Variants in ERC2 observed in about 807,000 individuals in gnomAD.
The protein encoded by ERC2 is ERC protein 2.
Under a neutral mutation model 114.8 loss-of-function variants are expected in ERC2, and 42 were observed. The ratio of observed to expected loss-of-function variants is 0.37; its 90% CI spans 0.29 to 0.47. The LOEUF is 0.47. Ranked by LOEUF, ERC2 falls within the 20% of genes least tolerant of loss-of-function variation. ERC2 has a pLI of 0.99. For synonymous variants in ERC2, 454 were observed against 425.5 expected (o/e 1.07, Z -0.82); for missense variants, 939 against 1,150.7 (o/e 0.82, Z 2.66).
At chr3:55,997,880 GTTT>G (rs869077498) in intron 10 of ERC2, among the ~76,000 whole-genome samples, 3,701 of 43,296 alleles carry the variant, frequency 0.085, 38 homozygotes, top group Non-Finnish European at 0.1. Flanking sequence ...TCTTAATTCT[GTTT>G]TTTTTTTTTT....
Position 56,313,516 on chromosome 3 carries a change from C to G in ERC2, c.658-17081G>C, listed in dbSNP as rs1365387062. ...TCTTTGGGTTGCAAGCAACAGAAAA[C>G]AACTTGGCCTGTCTTGAGCCACAGA... On this transcript the variant is annotated intron_variant, in intron 2 of 17. Transcript: ENST00000288221. Among the ~76,000 whole-genome samples, 5 of 152,122 alleles carry G rather than the reference C, an allele frequency of 3.3e-5. No homozygotes were observed. In the East Asian group the frequency reaches 9.6e-4, roughly 29 times the overall value.
intron 14 of ERC2, among the ~76,000 whole-genome samples, chr3:55,776,899 T>C (rs2068662963): frequency 6.6e-6 from 1 of 152,290 alleles, no homozygotes. Context: ...TTGTAGTTTT[T>C]CCGTGAATGT....
intron 3 of ERC2, among the ~76,000 whole-genome samples, chr3:56,195,021 G>A (rs1444136527): frequency 1.3e-5 from 2 of 152,122 alleles, no homozygotes; most frequent in Non-Finnish European, 2.9e-5. Context: ...TATTACCTAT[G>A]ATGAAGCTGA....
intron 3 of ERC2, among the ~76,000 whole-genome samples, chr3:56,233,359 G>T (rs975483892): frequency 6.6e-6 from 1 of 152,164 alleles, no homozygotes; most frequent in Non-Finnish European, 1.5e-5. Flanking sequence ...AGTGGCTCAC[G>T]CCTATAATCC....
intron 3 of ERC2, among the ~76,000 whole-genome samples, chr3:56,181,318 A>G (rs1330228491): frequency 6.6e-6 from 1 of 152,226 alleles, no homozygotes; most frequent in East Asian, 1.9e-4. Context: ...TTATCAAACT[A>G]CAGCCCACAG....
intron 7 of ERC2, among the ~76,000 whole-genome samples, chr3:56,070,769 C>G (rs1215162130): frequency 2.0e-5 from 3 of 152,150 alleles, no homozygotes; most frequent in Non-Finnish European, 4.4e-5. Flanking sequence ...AATAGAAAAG[C>G]TCCGAAATGT....
At chr3:55,791,337 C>G (rs1398507687) in intron 14 of ERC2, among the ~76,000 whole-genome samples, 7 of 151,934 alleles carry the variant, frequency 4.6e-5, no homozygotes, top group Non-Finnish European at 8.8e-5. Flanking sequence ...TAATTGCTAA[C>G]TATAAACAGA....
At chr3:55,621,696 AG>A (rs2059336256) in intron 17 of ERC2, among the ~76,000 whole-genome samples, 1 of 152,156 alleles carries the variant, frequency 6.6e-6, no homozygotes, top group Non-Finnish European at 1.5e-5. Context: ...TTTGGAAGGG[AG>A]GTGGTCAGGG....
At chr3:55,897,010 C>A (rs1210782294) in intron 13 of ERC2, among the ~76,000 whole-genome samples, 3 of 152,196 alleles carry the variant, frequency 2.0e-5, no homozygotes, top group Non-Finnish European at 4.4e-5. Flanking sequence ...GAAGTCATCA[C>A]CTGGCTTTCT....
chr3:55,875,306 C>A (rs2062776337), intron 14 of ERC2, among the ~76,000 whole-genome samples: 1 of 152,146 alleles, frequency 6.6e-6, no homozygotes, highest in African/African-American at 2.4e-5. Flanking sequence ...GGAATGACAG[C>A]AATTGAACTG....
chr3:55,623,916 G>C (rs1052180166), intron 17 of ERC2, among the ~76,000 whole-genome samples: 8 of 152,210 alleles, frequency 5.3e-5, no homozygotes, highest in Non-Finnish European at 7.3e-5. Flanking sequence ...CTATTTCTTT[G>C]CAGCACTGGG....
chr3:55,725,462 G>T (rs775269814), intron 15 of ERC2, among the ~76,000 whole-genome samples: 30 of 152,226 alleles, frequency 2.0e-4, no homozygotes, highest in Middle Eastern at 3.4e-3. Flanking sequence ...AGCATTCTCT[G>T]ATTCCTCCAG....
intron 6 of ERC2, among the ~76,000 whole-genome samples, chr3:56,089,025 G>T (rs1300655745): frequency 1.3e-5 from 2 of 152,112 alleles, no homozygotes; most frequent in African/African-American, 4.8e-5. Flanking sequence ...ATGTACTGAG[G>T]CGTTATATTG....
In ERC2 at chr3:56,434,933, A is replaced by G; in HGVS notation, c.75T>C (p.Pro25=). The G allele has an allele frequency of 1.2e-6, 2 of 1,613,732 alleles. No individual in the cohort carries two copies. The highest frequency in any genetic ancestry group is 1.7e-4 in the Middle Eastern group (1 of 6,060). ...PSRSPRLPRS[P]RLGHRRTSSG... The stretch of plus-strand genomic sequence containing the variant: ...TACTTGTTCTTCGGTGGCCCAAACG[A>G]GGAGACCTTGGCAAACGAGGGGATC... Residue 25 remains proline (P), a synonymous_variant, in exon 2 of 18, where the codon CCT becomes CCC. Coordinates refer to ENST00000288221, the MANE Select transcript of ERC2 (RefSeq NM_015576.3).
At chr3:55,973,961 C>T (rs767365071) in intron 12 of ERC2, among the ~76,000 whole-genome samples, 1 of 151,928 alleles carries the variant, frequency 6.6e-6, no homozygotes, top group Non-Finnish European at 1.5e-5. Context: ...TTTTAGAAAA[C>T]TATATAAAAG....
chr3:56,294,823 AC>A (rs1281615896), intron 3 of ERC2, among the ~76,000 whole-genome samples: 1 of 152,204 alleles, frequency 6.6e-6, no homozygotes, highest in Non-Finnish European at 1.5e-5. Flanking sequence ...GGATGGGAAG[AC>A]CAGGCCCAAC....
chr3:56,305,970 C>T (rs2056200878), intron 2 of ERC2, among the ~76,000 whole-genome samples: 1 of 152,188 alleles, frequency 6.6e-6, no homozygotes, highest in Non-Finnish European at 1.5e-5. Flanking sequence ...ATGCCTCGGC[C>T]TCCCACGTAG....
chr3:55,780,527 G>GA (rs2068957030), intron 14 of ERC2, among the ~76,000 whole-genome samples: 1 of 150,668 alleles, frequency 6.6e-6, no homozygotes, highest in Non-Finnish European at 1.5e-5. Context: ...TATCAAAAAG[G>GA]GAAAAAAATC....
chr3:56,233,202 T>A (rs1184198252), intron 3 of ERC2, among the ~76,000 whole-genome samples: 5 of 152,244 alleles, frequency 3.3e-5, no homozygotes, highest in Non-Finnish European at 7.3e-5. Context: ...AGTCATAATT[T>A]CTGTCATGGA....
Sources: gnomAD v4.1 joint callset for allele counts (sites outside exome capture counted in the v4.1 genomes callset) on GRCh38, gnomAD v4.1.1 for gene constraint, MANE v1.5 for transcripts, NCBI Gene and HGNC (gene_info 2026-07-23, HGNC 2026-07-21) for gene names.